Variants in TMEM63C observed in about 807,000 individuals in gnomAD.
TMEM63C encodes transmembrane protein 63C.
TMEM63C carries 32 observed loss-of-function variants against 99.2 expected under a neutral mutation model. The ratio of observed to expected loss-of-function variants is 0.32; its 90% CI spans 0.24 to 0.43. The LOEUF (loss-of-function observed/expected upper bound fraction) is 0.43, where lower values mean the gene tolerates loss of function less well. TMEM63C is among the 20% of genes least tolerant of loss of function. The pLI, the probability that TMEM63C is intolerant of heterozygous loss-of-function variation, is 1.00. For missense variants in TMEM63C, 826 were observed against 1,053.0 expected (o/e 0.78, Z 2.98); for synonymous variants, 376 against 397.9 (o/e 0.94, Z 0.66).
intron 7 of TMEM63C, 54 bp from the exon 8 acceptor site, chr14:77,233,398 G>T: frequency 6.3e-7 from 1 of 1,583,930 alleles, no homozygotes; most frequent in Non-Finnish European, 8.6e-7. Context: ...GAATTCTGGC[G>T]CCCCCAGCAA....
At chr14:77,196,530 CG>C (rs1201351099) in intron 1 of TMEM63C, among the ~76,000 whole-genome samples, 1 of 152,214 alleles carries the variant, frequency 6.6e-6, no homozygotes, top group Non-Finnish European at 1.5e-5. Context: ...GAAATTCCCC[CG>C]GGGCTGAGCT....
chr14:77,192,515 T>C (rs1271802903), intron 1 of TMEM63C, among the ~76,000 whole-genome samples: 5 of 152,164 alleles, frequency 3.3e-5, no homozygotes, highest in African/African-American at 9.7e-5. Context: ...AGGACAACTG[T>C]GTAGCCCTTT....
rs2287378 is a variant in TMEM63C, at chr14:77,238,874, C to T, written c.725+107C>T. On this transcript the variant is annotated intron_variant, in intron 10 of 23. Coordinates refer to ENST00000298351, the MANE Select transcript of TMEM63C (RefSeq NM_020431.4). ...GTGCAGGATGGTGGGACTGGGACAC[C>T]CCGGGGTGGCTCTCCCTGGACTCAG... The T allele has an allele frequency of 2.3e-5, 20 of 851,780 alleles. No individual in the cohort carries two copies. The East Asian group carries it at 3.4e-4, about 14-fold the overall frequency. 52.8% of individuals were successfully genotyped at this position (851,780 alleles called of 1,614,324 possible).
chr14:77,220,044 C>T lies in TMEM63C; in HGVS notation c.269C>T (p.Thr90Ile). The change falls in exon 5 of 24, where the codon ACA (threonine) becomes ATA (isoleucine). Residue 90 changes from threonine to isoleucine, a missense_variant. Physicochemically the swap from Thr to Ile is moderately conservative, Grantham distance 89. Coordinates refer to ENST00000298351, the MANE Select transcript of TMEM63C (RefSeq NM_020431.4). ...ATCTATGGGGAGCAGAGCGAGAAGA[C>T]ATCTCCCTCGGAGACTTCCTTGGAG... The part of the protein sequence containing the change: ...SLIYGEQSEK[T>I]SPSETSLEME... 6.4e-7 allele frequency: 1 copy of T among 1,562,444 alleles called. No homozygotes were observed. The highest frequency in any genetic ancestry group is 1.2e-5 in the South Asian group (1 of 84,536).
chr14:77,186,776 G>GGTGTGTGTGTGTGTGTGTGTGTGTGTGT lies in TMEM63C; in HGVS notation c.-77+4906_-77+4907insGTGTGTGTGTGTGTGTGTGTGTGTGTGT, dbSNP rs750331360. On this transcript the variant is annotated intron_variant, in intron 1 of 23. Transcript: ENST00000298351. ...GGGGGAATCTTCTCAGAACCAAAGG[G>GGTGTGTGTGTGTGTGTGTGTGTGTGTGT]GTGTGTGTGTGTGTGTGTGTGTGTC... Among the ~76,000 whole-genome samples, 354 of 138,478 alleles carry GGTGTGTGTGTGTGTGTGTGTGTGTGTGT rather than the reference G, an allele frequency of 2.6e-3. 3 individuals carry two copies. Among genetic ancestry groups the GGTGTGTGTGTGTGTGTGTGTGTGTGTGT allele is most frequent in the African/African-American group, 9.0e-3 (324 of 36,154 alleles). 90.8% of individuals were successfully genotyped at this position (138,478 alleles called of 152,430 possible).
intron 1 of TMEM63C, among the ~76,000 whole-genome samples, chr14:77,209,396 A>G (rs77074324): frequency 5.3e-5 from 8 of 152,184 alleles, no homozygotes; most frequent in African/African-American, 1.9e-4. Flanking sequence ...AACCACCTAC[A>G]TTTTATTCTT....
Position 77,242,946 on chromosome 14 carries a change from A to G in TMEM63C, c.1231A>G (p.Ile411Val). 1.9e-6 allele frequency: 3 copies of G among 1,614,014 alleles called. No individual in the cohort carries two copies. Among genetic ancestry groups the G allele is most frequent in the Non-Finnish European group, 2.5e-6 (3 of 1,179,892 alleles). The change falls in exon 15 of 24, where the codon ATC (isoleucine) becomes GTC (valine). Residue 411 changes from isoleucine to valine, a missense_variant. Coordinates refer to ENST00000298351, the MANE Select transcript of TMEM63C (RefSeq NM_020431.4). Reference protein sequence around the residue: ...VRRFFWWARFIAINTFLFFLF... With the variant: ...VRRFFWWARFVAINTFLFFLF... ...CCGCTTCTTTTGGTGGGCCCGCTTT[A>G]TCGCAATCAACACCTTCCTCTTCTT...
Position 77,239,412 on chromosome 14 carries a change from C to A in TMEM63C, c.726C>A (p.His242Gln), listed in dbSNP as rs143729173. The A allele has an allele frequency of 1.7e-5, 28 of 1,613,384 alleles. No homozygotes were observed. The highest frequency in any genetic ancestry group is 2.3e-5 in the Non-Finnish European group (27 of 1,179,836). The part of the protein sequence containing the change: ...EDPELIIKHF[H>Q]EAYPGSVVTR... ...TCAGCACCCATGTTTGTGGCTGCAG[C>A]GAGGCCTATCCAGGCAGTGTCGTGA... Residue 242 changes from histidine to glutamine, a missense_variant and splice_region_variant, in exon 11 of 24, where the codon CAC (histidine) becomes CAA (glutamine). By Grantham distance (24) the His-to-Gln change is conservative. Coordinates refer to ENST00000298351, the MANE Select transcript of TMEM63C (RefSeq NM_020431.4).
At chr14:77,236,596 C>T (rs1270556378) in intron 8 of TMEM63C, 28 bp from the exon 9 acceptor site, 2 of 1,535,768 alleles carry the variant, frequency 1.3e-6, no homozygotes, top group Admixed American at 1.7e-5. Flanking sequence ...ACAGGCTGAC[C>T]TCACTGCTGC....
intron 1 of TMEM63C, among the ~76,000 whole-genome samples, chr14:77,203,384 A>G (rs1888336260): frequency 2.3e-4 from 2 of 8,734 alleles, no homozygotes; most frequent in Non-Finnish European, 9.0e-4. Flanking sequence ...TCCATCTTGA[A>G]AAAAAAAAAA....
chr14:77,216,709 TCTTGTTGG>T (rs1321165313), intron 2 of TMEM63C, among the ~76,000 whole-genome samples: 2 of 152,154 alleles, frequency 1.3e-5, no homozygotes, highest in East Asian at 3.8e-4. Flanking sequence ...TGCCGGCAAA[TCTTGTTGG>T]CTCCACATTC....
At position 77,242,978 on chromosome 14, in the gene TMEM63C, C is replaced by T. The variant is rs1889205599; in HGVS notation, c.1263C>T (p.Phe421=). The T allele has an allele frequency of 3.1e-6, 5 of 1,614,040 alleles. No individual in the cohort carries two copies. Among genetic ancestry groups the T allele is most frequent in the Non-Finnish European group, 4.2e-6 (5 of 1,179,902 alleles). The change falls in exon 15 of 24, where the codon TTC becomes TTT. Residue 421 remains phenylalanine, a synonymous_variant. Coordinates refer to ENST00000298351, the MANE Select transcript of TMEM63C (RefSeq NM_020431.4). ...IAINTFLFFL[F]FFLTTPAIIM... ...TCAACACCTTCCTCTTCTTCCTCTT[C>T]TTCTTTCTCACCACGCCTGCCATCA... is the stretch of plus-strand genomic sequence containing the variant.
At chr14:77,194,381 TG>T (rs1888168092) in intron 1 of TMEM63C, among the ~76,000 whole-genome samples, 1 of 63,488 alleles carries the variant, frequency 1.6e-5, no homozygotes, top group Non-Finnish European at 4.5e-5. Context: ...TGTGTGTGTG[TG>T]TATGTTCATA....
intron 1 of TMEM63C, among the ~76,000 whole-genome samples, chr14:77,206,439 C>T (rs906987945): frequency 6.6e-6 from 1 of 152,232 alleles, no homozygotes; most frequent in African/African-American, 2.4e-5. Context: ...AGGCAGACGC[C>T]CAGGGACCTG....
intron 1 of TMEM63C, chr14:77,195,953 GT>G (rs966427788): frequency 6.5e-5 from 10 of 153,070 alleles, no homozygotes; most frequent in African/African-American, 2.2e-4. Flanking sequence ...TGACAAGCAC[GT>G]TGGAGTTGGG....
chr14:77,239,563 C>T, intron 11 of TMEM63C, 40 bp from the exon 12 acceptor site: 1 of 1,612,818 alleles, frequency 6.2e-7, no homozygotes, highest in Non-Finnish European at 8.5e-7. Flanking sequence ...CTGCTGGCCC[C>T]TGACCTGCAG....
intron 1 of TMEM63C, among the ~76,000 whole-genome samples, chr14:77,206,869 A>T (rs1888411359): frequency 6.6e-6 from 1 of 150,598 alleles, no homozygotes. Flanking sequence ...AGAATGTGAT[A>T]TAATTTTAGT....
intron 14 of TMEM63C, 116 bp downstream of exon 14, chr14:77,242,585 G>C: frequency 7.3e-7 from 1 of 1,367,320 alleles, no homozygotes; most frequent in Non-Finnish European, 1.0e-6. Flanking sequence ...AGGGGACTAA[G>C]TTCCATGCTC....
At chr14:77,222,100 T>G (rs1423956731) in intron 5 of TMEM63C, among the ~76,000 whole-genome samples, 1 of 152,154 alleles carries the variant, frequency 6.6e-6, no homozygotes, top group African/African-American at 2.4e-5. Context: ...CAGCTAATCC[T>G]CTCCCACTGG....
Sources: gnomAD v4.1 joint callset for allele counts (sites outside exome capture counted in the v4.1 genomes callset) on GRCh38, gnomAD v4.1.1 for gene constraint, MANE v1.5 for transcripts, NCBI Gene and HGNC (gene_info 2026-07-23, HGNC 2026-07-21) for gene names.